The following REV1 variants were observed in gnomAD, a reference collection of about 807,000 sequenced individuals.
The protein encoded by REV1 is translesion synthesis protein REV1.
In REV1, 42 loss-of-function variants were observed where a neutral mutation model predicts 137.4. That is an observed-to-expected ratio of 0.31 (90% confidence interval 0.24 to 0.40). REV1 has a LOEUF of 0.40. Among genes scored for constraint, REV1 ranks in the 10% least tolerant of loss-of-function variants. The probability of loss-of-function intolerance (pLI) is 1.00; values close to 1 mark genes in which losing one functional copy is unlikely to be tolerated. For synonymous variants in REV1, 524 were observed against 519.2 expected, an observed-to-expected ratio of 1.01 and a Z score of -0.12; for missense variants, 1,282 against 1,490.1, an observed-to-expected ratio of 0.86 and a Z score of 2.30.
chr2:99,463,822 C>T (rs1684508164), intron 2 of REV1, among the ~76,000 whole-genome samples: 1 of 152,110 alleles, frequency 6.6e-6, no homozygotes, highest in African/African-American at 2.4e-5. Context: ...CGGGATTTCA[C>T]CATGTTGGCC....
chr2:99,426,774 C>T (rs946195604), intron 9 of REV1, among the ~76,000 whole-genome samples: 11 of 152,144 alleles, frequency 7.2e-5, no homozygotes, highest in Admixed American at 2.0e-4. Context: ...ACCAAAACTT[C>T]GTTAAGTGTA....
intron 8 of REV1, among the ~76,000 whole-genome samples, chr2:99,432,549 C>T (rs906459857): frequency 6.6e-6 from 1 of 152,090 alleles, no homozygotes; most frequent in Admixed American, 6.6e-5. Context: ...TTATATGTAG[C>T]AAATATTCTG....
Position 99,405,909 on chromosome 2 carries a change from C to A in REV1, c.2811+1G>T. 6.6e-7 allele frequency: 1 copy of A among 1,522,830 alleles called. No individual in the cohort carries two copies. Among genetic ancestry groups the A allele is most frequent in the East Asian group, 2.3e-5 (1 of 42,652 alleles). The allele number at this position is 1,522,830 out of a possible 1,614,324, so 94.3% of individuals were successfully genotyped here. Reference sequence around the variant, plus strand: ...TTATATTTAGGACTACAAAAATGTACCTGGGAAGGTGACGGGACCTCTATA... The same window carrying A: ...TTATATTTAGGACTACAAAAATGTAACTGGGAAGGTGACGGGACCTCTATA... On this transcript the variant is annotated splice_donor_variant, in intron 17 of 22. Transcript: ENST00000258428. LOFTEE classifies it high-confidence loss of function.
At chr2:99,445,080 A>G (rs1682021414) in intron 4 of REV1, among the ~76,000 whole-genome samples, 1 of 151,906 alleles carries the variant, frequency 6.6e-6, no homozygotes, top group Non-Finnish European at 1.5e-5. Flanking sequence ...ATATTCATCT[A>G]TTTTGGGAAG....
intron 11 of REV1, 78 bp from the exon 12 acceptor site, chr2:99,419,025 T>G: frequency 8.7e-7 from 1 of 1,155,828 alleles, no homozygotes. Context: ...TTCATACAGG[T>G]TATCCATCAA....
chr2:99,434,300 G>T, intron 8 of REV1, 32 bp downstream of exon 8: 1 of 1,415,012 alleles, frequency 7.1e-7, no homozygotes, highest in Non-Finnish European at 9.8e-7. Context: ...ATCCACAGGA[G>T]CACTAAGACT....
intron 1 of REV1, among the ~76,000 whole-genome samples, chr2:99,485,237 T>G (rs1394416428): frequency 6.6e-6 from 1 of 152,248 alleles, no homozygotes; most frequent in East Asian, 1.9e-4. Context: ...TGAGAATAAT[T>G]CAAGTTGTAT....
At chr2:99,408,901 G>GA (rs1233004414) in intron 14 of REV1, among the ~76,000 whole-genome samples, 1 of 152,134 alleles carries the variant, frequency 6.6e-6, no homozygotes, top group Non-Finnish European at 1.5e-5. Flanking sequence ...CATTAAACAA[G>GA]AAATATTCCC....
At chr2:99,458,492 A>G (rs965815117) in intron 3 of REV1, among the ~76,000 whole-genome samples, 1 of 152,208 alleles carries the variant, frequency 6.6e-6, no homozygotes, top group Non-Finnish European at 1.5e-5. Flanking sequence ...GGGAGTATAA[A>G]ATACTACAAC....
chr2:99,452,778 G>C (rs1005231478), intron 3 of REV1, among the ~76,000 whole-genome samples: 1 of 152,176 alleles, frequency 6.6e-6, no homozygotes. Context: ...AGCAAAAGTG[G>C]AGTACAAGTG....
intron 1 of REV1, among the ~76,000 whole-genome samples, chr2:99,475,377 A>C (rs1685858608): frequency 6.6e-6 from 1 of 152,242 alleles, no homozygotes; most frequent in South Asian, 2.1e-4. Flanking sequence ...TAAATAAGGA[A>C]GAGAACAGGA....
chr2:99,404,740 G>T, intron 17 of REV1, 63 bp from the exon 18 acceptor site: 3 of 1,058,856 alleles, frequency 2.8e-6, no homozygotes, highest in East Asian at 2.4e-5. Context: ...GTGTTTGGGA[G>T]TTAACACGCC....
chr2:99,401,831 G>A (rs1165005915), intron 22 of REV1, among the ~76,000 whole-genome samples: 2 of 152,166 alleles, frequency 1.3e-5, no homozygotes, highest in Non-Finnish European at 2.9e-5. Context: ...CCATGCAGTG[G>A]TGCAATCATG....
At chr2:99,467,117 T>C (rs1684895041) in intron 1 of REV1, among the ~76,000 whole-genome samples, 1 of 152,212 alleles carries the variant, frequency 6.6e-6, no homozygotes, top group Non-Finnish European at 1.5e-5. Context: ...TGTATTTTAA[T>C]ACATTTGGTG....
intron 7 of REV1, among the ~76,000 whole-genome samples, chr2:99,434,701 G>A (rs916523975): frequency 2.6e-5 from 4 of 152,194 alleles, no homozygotes; most frequent in African/African-American, 4.8e-5. Context: ...GAAAGCAGCA[G>A]TCAACTCAGC....
At chr2:99,417,324 A>T (rs1678037884) in intron 12 of REV1, among the ~76,000 whole-genome samples, 1 of 151,908 alleles carries the variant, frequency 6.6e-6, no homozygotes, top group African/African-American at 2.4e-5. Flanking sequence ...TTGTAGTTCT[A>T]GTAGAGACAG....
chr2:99,431,742 T>G, intron 8 of REV1: 10 of 985,494 alleles, frequency 1.0e-5, no homozygotes, highest in Non-Finnish European at 1.2e-5. Flanking sequence ...CTGGCTGACC[T>G]GTTCCACAGT....
Position 99,406,085 on chromosome 2 carries a change from A to C in REV1, c.2636T>G (p.Leu879Arg), listed in dbSNP as rs753289072. 6.2e-7 allele frequency: 1 copy of C among 1,613,264 alleles called. No homozygotes were observed. Among genetic ancestry groups the C allele is most frequent in the Non-Finnish European group, 8.5e-7 (1 of 1,179,738 alleles). Residue 879 changes from leucine to arginine, a missense_variant, in exon 17 of 23, where the codon CTG becomes CGG. Around this residue, in one of 7 missense-constraint regions of REV1, gnomAD observed 372 missense variants for 482.3 expected, o/e 0.77. Coordinates refer to ENST00000258428, the MANE Select transcript of REV1 (RefSeq NM_016316.4). ...AGTTCTAGAAGCAGATGATATTTCC[A>C]GATCCACAGCAGCCCGAAATACTAC... ...HKEVFRAAVD[L>R]EISSASRTCT...
intron 2 of REV1, among the ~76,000 whole-genome samples, chr2:99,464,589 T>C (rs1017039266): frequency 2.0e-5 from 3 of 152,244 alleles, no homozygotes; most frequent in African/African-American, 7.2e-5. Flanking sequence ...TGCTCCACTA[T>C]ACACAGATAA....
Sources: allele counts gnomAD v4.1 joint callset (sites outside exome capture counted in the v4.1 genomes callset), GRCh38; gene constraint gnomAD v4.1.1; regional missense constraint gnomAD v4.1.1; transcripts MANE v1.5; gene names NCBI Gene and HGNC (gene_info 2026-07-23, HGNC 2026-07-21).